Variants in CADPS2 observed in about 807,000 individuals in gnomAD.
The protein encoded by CADPS2 is calcium dependent secretion activator 2.
In CADPS2, 93 loss-of-function variants were observed where a neutral mutation model predicts 172.5. The observed-to-expected ratio is 0.54, with a 90% CI of 0.46 to 0.64. The LOEUF is 0.64. CADPS2 is among the 30% of genes least tolerant of loss of function. CADPS2 has a pLI of 0.00. For missense variants in CADPS2, 1,420 were observed against 1,565.9 expected (o/e 0.91, Z 1.57); for synonymous variants, 546 against 555.2 (o/e 0.98, Z 0.23).
chr7:122,622,575 C>T (rs1211200554), intron 4 of CADPS2, among the ~76,000 whole-genome samples: 1 of 152,156 alleles, frequency 6.6e-6, no homozygotes, highest in Non-Finnish European at 1.5e-5. Context: ...CCCAGAACAG[C>T]AAATGAGAGC....
intron 2 of CADPS2, among the ~76,000 whole-genome samples, chr7:122,724,424 A>G (rs988395007): frequency 2.0e-5 from 3 of 152,048 alleles, no homozygotes; most frequent in Non-Finnish European, 4.4e-5. Flanking sequence ...GAAGCAGCTT[A>G]TAATTATCAC....
chr7:122,393,079 C>T (rs1218631648), intron 22 of CADPS2, 117 bp downstream of exon 22: 2 of 1,002,588 alleles, frequency 2.0e-6, no homozygotes, highest in African/African-American at 3.4e-5. Flanking sequence ...AAAAAAAAAA[C>T]AGTATTCCTC....
intron 3 of CADPS2, among the ~76,000 whole-genome samples, chr7:122,637,754 C>T (rs907335092): frequency 6.6e-6 from 1 of 152,140 alleles, no homozygotes; most frequent in African/African-American, 2.4e-5. Flanking sequence ...GAATTGCCAG[C>T]GTTTCTTGCA....
At chr7:122,479,939 G>A (rs2057092103) in intron 12 of CADPS2, among the ~76,000 whole-genome samples, 1 of 152,100 alleles carries the variant, frequency 6.6e-6, no homozygotes, top group African/African-American at 2.4e-5. Flanking sequence ...GAAGACAAAT[G>A]CTACTATTCA....
chr7:122,467,885 C>A (rs1416190490), intron 14 of CADPS2, among the ~76,000 whole-genome samples: 2 of 152,148 alleles, frequency 1.3e-5, no homozygotes, highest in Non-Finnish European at 2.9e-5. Flanking sequence ...TTGTGTTATT[C>A]AGAGATGTGT....
At chr7:122,379,255 G>A (rs893093702) in intron 25 of CADPS2, 113 bp downstream of exon 25, 21 of 633,812 alleles carry the variant, frequency 3.3e-5, no homozygotes, top group East Asian at 2.2e-4. Context: ...ATTTTTTCCT[G>A]CCCTAATCTT....
chr7:122,730,925 A>T (rs1229115209), intron 2 of CADPS2, among the ~76,000 whole-genome samples: 1 of 151,614 alleles, frequency 6.6e-6, no homozygotes, highest in Non-Finnish European at 1.5e-5. Context: ...AAAAGGCCAG[A>T]ATTAGAACAT....
At chr7:122,743,878 A>G (rs767017000) in intron 1 of CADPS2, among the ~76,000 whole-genome samples, 27 of 152,180 alleles carry the variant, frequency 1.8e-4, no homozygotes, top group Admixed American at 1.4e-3. Flanking sequence ...CCCAAGCTGT[A>G]TATCAGAAAA....
intron 5 of CADPS2, among the ~76,000 whole-genome samples, chr7:122,618,860 T>C (rs1000645845): frequency 1.3e-5 from 2 of 152,202 alleles, no homozygotes; most frequent in African/African-American, 4.8e-5. Context: ...CGATTTTACT[T>C]TGTTGCTGGA....
intron 19 of CADPS2, among the ~76,000 whole-genome samples, chr7:122,411,121 A>G (rs1373217830): frequency 1.3e-5 from 2 of 151,910 alleles, no homozygotes; most frequent in African/African-American, 4.8e-5. Flanking sequence ...CCATCCATCC[A>G]TCTACCATCA....
chr7:122,800,056 T>G (rs907817114), intron 1 of CADPS2, among the ~76,000 whole-genome samples: 10 of 152,226 alleles, frequency 6.6e-5, no homozygotes, highest in African/African-American at 2.4e-4. Flanking sequence ...ACATATGGCA[T>G]AAATTGTATT....
At chr7:122,415,975 T>C in intron 18 of CADPS2, 86 bp downstream of exon 18, 1 of 725,450 alleles carries the variant, frequency 1.4e-6, no homozygotes, top group Non-Finnish European at 2.2e-6. Flanking sequence ...GTATCAAGAC[T>C]ATGGGCAGGC....
At chr7:122,672,474 G>C (rs1379764673) in intron 2 of CADPS2, among the ~76,000 whole-genome samples, 2 of 152,136 alleles carry the variant, frequency 1.3e-5, no homozygotes, top group African/African-American at 4.8e-5. Flanking sequence ...AGCTCTTCCT[G>C]TATTAACTCC....
intron 8 of CADPS2, among the ~76,000 whole-genome samples, chr7:122,549,304 GACATTTATTTTGTAGTTACC>G (rs1310040211): frequency 6.6e-6 from 1 of 151,936 alleles, no homozygotes; most frequent in Non-Finnish European, 1.5e-5. Context: ...CTGTCTACAT[GACATTTATTTTGTAGTTACC>G]ACTGCACTAA....
chr7:122,457,377 C>G (rs1316505899), intron 14 of CADPS2, among the ~76,000 whole-genome samples: 1 of 152,100 alleles, frequency 6.6e-6, no homozygotes, highest in Admixed American at 6.6e-5. Context: ...GTTTGTAACA[C>G]CAATAAAAAC....
In CADPS2 at chr7:122,663,258, C is replaced by G. The variant is rs1224672033; in HGVS notation, c.765G>C (p.Gln255His). The G allele has an allele frequency of 2.5e-6, 4 of 1,612,020 alleles. No individual in the cohort carries two copies. The African/African-American group carries it at 5.3e-5, about 22-fold the overall frequency. Reference protein sequence around the residue: ...QILGIKKLEHQLLYNACQLDN... With the variant: ...QILGIKKLEHHLLYNACQLDN... ...TTACCTGACATGCATTATAAAGGAG[C>G]TGGTGTTCCAGTTTTTTAATACCCA... The change falls in exon 3 of 30, where the codon CAG (glutamine) becomes CAC (histidine). Residue 255 changes from glutamine (Q) to histidine (H), a missense_variant. Physicochemically the swap from Gln to His is conservative, Grantham distance 24 (BLOSUM62 0). Coordinates refer to ENST00000449022, the MANE Select transcript of CADPS2 (RefSeq NM_017954.11).
At chr7:122,626,485 A>C (rs753170983) in intron 4 of CADPS2, among the ~76,000 whole-genome samples, 1 of 152,216 alleles carries the variant, frequency 6.6e-6, no homozygotes, top group Non-Finnish European at 1.5e-5. Context: ...GGATTGTACT[A>C]TCAAGAACTG....
At chr7:122,820,853 C>A (rs1286677009) in intron 1 of CADPS2, among the ~76,000 whole-genome samples, 1 of 141,158 alleles carries the variant, frequency 7.1e-6, no homozygotes, top group African/African-American at 2.7e-5. Flanking sequence ...GCCACCGCGC[C>A]CGGCCGACCT....
At chr7:122,386,294 C>A in intron 24 of CADPS2, 1 of 1,438,668 alleles carries the variant, frequency 7.0e-7, no homozygotes, top group Non-Finnish European at 9.2e-7. Context: ...ATGAGACTTA[C>A]CCATTGACTA....
Sources: gnomAD v4.1 joint callset for allele counts (sites outside exome capture counted in the v4.1 genomes callset) on GRCh38, gnomAD v4.1.1 for gene constraint, MANE v1.5 for transcripts, NCBI Gene and HGNC (gene_info 2026-07-23, HGNC 2026-07-21) for gene names.